CFAP47: variants seen among roughly 807,000 people sequenced by gnomAD.
The protein encoded by CFAP47 is cilia- and flagella-associated protein 47.
In CFAP47, 29 loss-of-function variants were observed where a neutral mutation model predicts 148.1. The observed-to-expected ratio is 0.20, with a 90% CI of 0.15 to 0.27. The LOEUF (loss-of-function observed/expected upper bound fraction) is 0.27. Ranked by LOEUF, CFAP47 falls within the 10% of genes least tolerant of loss-of-function variation. CFAP47 has a pLI of 1.00. For synonymous variants in CFAP47, 664 were observed against 577.3 expected (o/e 1.15, Z -2.15); for missense variants, 1,872 against 1,697.5 (o/e 1.10, Z -1.81).
At chrX:35,920,097 T>G (rs769876496) in intron 1 of CFAP47, 49 bp downstream of exon 1, 3 of 1,123,833 alleles carry the variant, frequency 2.7e-6, no homozygotes, top group Non-Finnish European at 2.4e-6. Flanking sequence ...GAGCGCCTCC[T>G]CACACTGCGT....
intron 46 of CFAP47, among the ~76,000 whole-genome samples, chrX:36,230,650 A>T (rs1396172492): frequency 9.1e-6 from 1 of 110,202 alleles, no homozygotes; most frequent in Non-Finnish European, 1.9e-5. Flanking sequence ...TTTTGTTGCC[A>T]TTGCTTCTGG....
chrX:36,153,242 G>A (rs1939330183), intron 37 of CFAP47, among the ~76,000 whole-genome samples: 3 of 111,832 alleles, frequency 2.7e-5, no homozygotes, highest in African/African-American at 9.8e-5. Flanking sequence ...GGGGGAAATA[G>A]GAAAGAAGAA....
At chrX:36,177,734 ATGTTGGC>A (rs1260483931) in intron 39 of CFAP47, among the ~76,000 whole-genome samples, 53 of 112,486 alleles carry the variant, frequency 4.7e-4, no homozygotes, top group African/African-American at 1.7e-3. Flanking sequence ...ACAGAATCTG[ATGTTGGC>A]ATTAGTTCAG....
At chrX:35,947,727 T>C (rs1224638352) in intron 3 of CFAP47, among the ~76,000 whole-genome samples, 1 of 111,296 alleles carries the variant, frequency 9.0e-6, no homozygotes, top group Non-Finnish European at 1.9e-5. Context: ...AGTAGTTGTG[T>C]GACCTTGAAC....
At chrX:35,949,514 A>G (rs2146640623) in intron 4 of CFAP47, among the ~76,000 whole-genome samples, 1 of 111,825 alleles carries the variant, frequency 8.9e-6, no homozygotes, top group South Asian at 3.8e-4. Context: ...AGATTTGACT[A>G]GATTTGGTGA....
intron 35 of CFAP47, among the ~76,000 whole-genome samples, chrX:36,143,612 A>G (rs1023124811): frequency 9.0e-6 from 1 of 110,880 alleles, no homozygotes; most frequent in African/African-American, 3.3e-5. Context: ...CCTCACACCA[A>G]CCCCAATACT....
rs1378875103 is a variant in CFAP47, at chrX:36,164,983, A to G, written c.6026+4214A>G. Among the ~76,000 whole-genome samples the G allele has an allele frequency of 1.3e-4, 14 of 111,754 alleles. No homozygotes were observed. In the Admixed American group the frequency reaches 1.3e-3, roughly 11 times the overall value. On this transcript the variant is annotated intron_variant, in intron 39 of 63. Transcript: ENST00000378653. ...AAACCCACAGCTACTGTCAGTCATGATGGCCTTCTTCGCTTCTATGAGTTT... is the reference window on the plus strand; with the variant it reads ...AAACCCACAGCTACTGTCAGTCATGGTGGCCTTCTTCGCTTCTATGAGTTT...
At chrX:36,190,439 A>G (rs1939853591) in intron 42 of CFAP47, among the ~76,000 whole-genome samples, 1 of 112,705 alleles carries the variant, frequency 8.9e-6, no homozygotes, top group Admixed American at 9.4e-5. Flanking sequence ...CTCTATTTGT[A>G]TTAGTTATCC....
chrX:36,174,875 G>C (rs1939646352), intron 39 of CFAP47, among the ~76,000 whole-genome samples: 2 of 110,811 alleles, frequency 1.8e-5, no homozygotes, highest in South Asian at 7.5e-4. Context: ...AAGTTCTCCT[G>C]GATAATATCC....
At chrX:36,001,745 A>G in intron 21 of CFAP47, 38 bp downstream of exon 21, 1 of 286,368 alleles carries the variant, frequency 3.5e-6, no homozygotes, top group Non-Finnish European at 6.1e-6. Flanking sequence ...TACTGCAGTT[A>G]TGGGTATTCC....
intron 39 of CFAP47, among the ~76,000 whole-genome samples, chrX:36,173,318 T>C (rs1472077173): frequency 8.9e-6 from 1 of 112,026 alleles, no homozygotes; most frequent in Non-Finnish European, 1.9e-5. Context: ...GCTCTGATTT[T>C]AGTTATTTCT....
At chrX:36,169,015 A>AT (rs1945583684) in intron 39 of CFAP47, among the ~76,000 whole-genome samples, 1 of 110,781 alleles carries the variant, frequency 9.0e-6, no homozygotes, top group African/African-American at 3.3e-5. Flanking sequence ...TTTTTTAAAA[A>AT]TTTTTTTGAA....
At chrX:35,928,558 T>G (rs141342599) in intron 2 of CFAP47, among the ~76,000 whole-genome samples, 1 of 111,703 alleles carries the variant, frequency 9.0e-6, no homozygotes, top group East Asian at 2.8e-4. Flanking sequence ...TACAAGTCTT[T>G]TGATGGTTAT....
chrX:36,251,575 A>T, intron 49 of CFAP47, 131 bp downstream of exon 49: 1 of 342,299 alleles, frequency 2.9e-6, no homozygotes, highest in Non-Finnish European at 5.1e-6. Context: ...TTAATTTTAT[A>T]TTTCAGTCAT....
At chrX:36,019,849 A>C in intron 22 of CFAP47, among the ~76,000 whole-genome samples, 1 of 111,958 alleles carries the variant, frequency 8.9e-6, no homozygotes, top group Non-Finnish European at 1.9e-5. Flanking sequence ...GTCTGGCTAA[A>C]GGTTTGTCAA....
intron 21 of CFAP47, among the ~76,000 whole-genome samples, chrX:36,007,393 G>A (rs1464799290): frequency 1.8e-5 from 2 of 112,240 alleles, no homozygotes; most frequent in Non-Finnish European, 3.8e-5. Flanking sequence ...ACTGGGTACT[G>A]AAATCTGACT....
chrX:36,146,674 T>C (rs1939237152), intron 36 of CFAP47, among the ~76,000 whole-genome samples: 1 of 111,857 alleles, frequency 8.9e-6, no homozygotes, highest in African/African-American at 3.2e-5. Flanking sequence ...TGAATGGCAG[T>C]GCGTTAAGTC....
chrX:35,970,752 C>G lies in CFAP47; in HGVS notation c.1815-16C>G. 1 of 1,141,335 alleles carries G rather than the reference C, an allele frequency of 8.8e-7. No individual in the cohort carries two copies. Among genetic ancestry groups the G allele is most frequent in the Non-Finnish European group, 1.2e-6 (1 of 856,592 alleles). 94.1% of individuals were successfully genotyped at this position (1,141,335 alleles called of 1,213,427 possible). The stretch of plus-strand genomic sequence containing the variant: ...TGCATATATAAAAATATTAACATGA[C>G]TTGCTTATATTGCAGGCCAATTTTC... On this transcript the variant is annotated splice_polypyrimidine_tract_variant and intron_variant, in intron 10 of 63. Transcript: ENST00000378653.
intron 8 of CFAP47, among the ~76,000 whole-genome samples, chrX:35,961,829 A>G (rs771328407): frequency 3.8e-4 from 42 of 111,031 alleles, no homozygotes; most frequent in African/African-American, 1.3e-3. Context: ...ATTTATTACT[A>G]CTTTTGTGTT....
Sources: gnomAD v4.1 joint callset for allele counts (sites outside exome capture counted in the v4.1 genomes callset) on GRCh38, gnomAD v4.1.1 for gene constraint, MANE v1.5 for transcripts, NCBI Gene and HGNC (gene_info 2026-07-23, HGNC 2026-07-21) for gene names.